The following CLASP1 variants were observed in gnomAD, a reference collection of about 807,000 sequenced individuals.
CLASP1 encodes the protein CLIP-associating protein 1.
Under a neutral mutation model 192.3 loss-of-function variants are expected in CLASP1, and 38 were observed. The observed-to-expected ratio is 0.20, with a 90% CI of 0.15 to 0.26. CLASP1 has a LOEUF of 0.26. Ranked by LOEUF, CLASP1 falls within the 10% of genes least tolerant of loss-of-function variation. The pLI, the probability that CLASP1 is intolerant of heterozygous loss-of-function variation, is 1.00. For missense variants in CLASP1, 1,433 were observed against 1,932.5 expected (o/e 0.74, Z 4.85); for synonymous variants, 691 against 712.8 (o/e 0.97, Z 0.49).
intron 7 of CLASP1, among the ~76,000 whole-genome samples, chr2:121,513,642 A>AT (rs903017564): frequency 2.0e-5 from 3 of 152,132 alleles, no homozygotes; most frequent in African/African-American, 7.2e-5. Context: ...CACAGCTGTG[A>AT]TTTTTTATAG....
intron 6 of CLASP1, among the ~76,000 whole-genome samples, chr2:121,521,209 C>T (rs1193341768): frequency 2.0e-5 from 3 of 152,150 alleles, no homozygotes; most frequent in Admixed American, 6.5e-5. Flanking sequence ...CATAATCTAA[C>T]TTTTGCTTCA....
intron 37 of CLASP1, among the ~76,000 whole-genome samples, chr2:121,359,861 G>C (rs181201955): frequency 6.6e-6 from 1 of 152,236 alleles, no homozygotes; most frequent in East Asian, 1.9e-4. Flanking sequence ...TTGGATGAAT[G>C]GTGTCTGAGA....
At chr2:121,420,888 A>G (rs908154337) in intron 22 of CLASP1, among the ~76,000 whole-genome samples, 5 of 152,278 alleles carry the variant, frequency 3.3e-5, no homozygotes, top group Non-Finnish European at 5.9e-5. Context: ...AATAAAAAGC[A>G]TTAACAGCAG....
intron 37 of CLASP1, among the ~76,000 whole-genome samples, chr2:121,355,564 C>T (rs12465752): frequency 0.12 from 18,859 of 152,238 alleles, 1,973 homozygotes; most frequent in East Asian, 0.47. Context: ...CCAAGACAGA[C>T]GCTGGTTTTG....
intron 2 of CLASP1, among the ~76,000 whole-genome samples, chr2:121,585,424 C>A (rs1477554177): frequency 6.6e-6 from 1 of 152,120 alleles, no homozygotes; most frequent in African/African-American, 2.4e-5. Flanking sequence ...AAAGCAACTG[C>A]GAAGTGAGAT....
At chr2:121,460,396 G>C (rs2087666084) in intron 11 of CLASP1, among the ~76,000 whole-genome samples, 1 of 152,022 alleles carries the variant, frequency 6.6e-6, no homozygotes, top group Non-Finnish European at 1.5e-5. Flanking sequence ...ATATCTTAAA[G>C]TATTTATAGA....
chr2:121,364,801 A>T (rs2067073939), intron 36 of CLASP1: 3 of 395,190 alleles, frequency 7.6e-6, no homozygotes, highest in Non-Finnish European at 9.4e-6. Flanking sequence ...CTATGCTAAT[A>T]AAGTTTTAAG....
intron 1 of CLASP1, among the ~76,000 whole-genome samples, chr2:121,642,400 C>CT (rs1387619622): frequency 8.1e-6 from 1 of 123,578 alleles, no homozygotes; most frequent in African/African-American, 3.3e-5. Context: ...TATCTTTTTG[C>CT]TAAAAAAAAA....
At chr2:121,484,291 C>T (rs2092822081) in intron 8 of CLASP1, among the ~76,000 whole-genome samples, 1 of 152,180 alleles carries the variant, frequency 6.6e-6, no homozygotes, top group Non-Finnish European at 1.5e-5. Flanking sequence ...CTCGGCCCAC[C>T]ACTGAAGCCT....
intron 1 of CLASP1, among the ~76,000 whole-genome samples, chr2:121,606,673 T>A (rs1397191807): frequency 6.6e-6 from 1 of 152,084 alleles, no homozygotes; most frequent in Non-Finnish European, 1.5e-5. Flanking sequence ...TTAAACAAAG[T>A]CAAGGGCAGC....
chr2:121,472,510 TTAA>T (rs2090936103), intron 8 of CLASP1, among the ~76,000 whole-genome samples: 1 of 152,114 alleles, frequency 6.6e-6, no homozygotes, highest in African/African-American at 2.4e-5. Context: ...CCTGGAGGTG[TTAA>T]TAATTTCCAG....
At chr2:121,492,363 T>C (rs915823360) in intron 8 of CLASP1, among the ~76,000 whole-genome samples, 1 of 117,502 alleles carries the variant, frequency 8.5e-6, no homozygotes, top group African/African-American at 3.5e-5. Context: ...TACTCCAGCC[T>C]GGGCGACAGA....
chr2:121,518,794 C>T (rs11891897), intron 6 of CLASP1, among the ~76,000 whole-genome samples: 30,823 of 152,144 alleles, frequency 0.2, 5,838 homozygotes, highest in African/African-American at 0.5. Flanking sequence ...ACAAGAATCG[C>T]TTGAACCCAG....
intron 33 of CLASP1, among the ~76,000 whole-genome samples, chr2:121,381,508 C>A (rs974563910): frequency 6.6e-6 from 1 of 152,140 alleles, no homozygotes; most frequent in Non-Finnish European, 1.5e-5. Context: ...CTTCTTTGTA[C>A]CACAGATTCA....
chr2:121,590,867 A>AT (rs10712368), intron 2 of CLASP1, among the ~76,000 whole-genome samples: 2,148 of 135,708 alleles, frequency 0.016, 45 homozygotes, highest in African/African-American at 0.048. Context: ...AAATTATTTG[A>AT]TTTTTTTTTT....
chr2:121,478,923 C>T (rs1414937012), intron 8 of CLASP1, among the ~76,000 whole-genome samples: 3 of 76,948 alleles, frequency 3.9e-5, no homozygotes, highest in African/African-American at 1.8e-4. Context: ...ACCACACACA[C>T]ACCACACAAC....
Position 121,643,969 on chromosome 2 carries a change from C to A in CLASP1, c.-286+5403G>T, listed in dbSNP as rs114740501. Among the ~76,000 whole-genome samples the A allele has an allele frequency of 7.4e-3, 1,119 of 152,152 alleles. 11 individuals are homozygous for A. Among genetic ancestry groups the A allele is most frequent in the African/African-American group, 0.025 (1,052 of 41,504 alleles). On this transcript the variant is annotated intron_variant, in intron 1 of 39. Transcript: ENST00000263710. ...AGGCTGCTTGTATTTTAACAAGGTCCCAAAGAGATTCCAGTGACTTGATTA... is the reference window on the plus strand; with the variant it reads ...AGGCTGCTTGTATTTTAACAAGGTCACAAAGAGATTCCAGTGACTTGATTA...
chr2:121,351,706 G>C (rs933773469), intron 37 of CLASP1, among the ~76,000 whole-genome samples: 1 of 152,198 alleles, frequency 6.6e-6, no homozygotes, highest in African/African-American at 2.4e-5. Context: ...GGCCTACACT[G>C]GGATTATGGA....
At chr2:121,347,222 T>C in intron 38 of CLASP1, 68 bp from the exon 40 acceptor site, 1 of 1,076,480 alleles carries the variant, frequency 9.3e-7, no homozygotes, top group Non-Finnish European at 1.4e-6. Flanking sequence ...CAACATCTCA[T>C]CAACGTTTCC....
Sources: allele counts gnomAD v4.1 joint callset (sites outside exome capture counted in the v4.1 genomes callset), GRCh38; gene constraint gnomAD v4.1.1; transcripts MANE v1.5; gene names NCBI Gene and HGNC (gene_info 2026-07-23, HGNC 2026-07-21).